The following GLI3 variants were observed in gnomAD, a reference collection of about 807,000 sequenced individuals.
GLI3 encodes transcription activator GLI3.
Under a neutral mutation model 100.8 loss-of-function variants are expected in GLI3, and 20 were observed. That is an observed-to-expected ratio of 0.20 (90% confidence interval 0.14 to 0.29). The LOEUF (loss-of-function observed/expected upper bound fraction) is 0.29, where lower values mean the gene tolerates loss of function less well. Among genes scored for constraint, GLI3 ranks in the 10% least tolerant of loss-of-function variants. GLI3 has a pLI of 1.00. For missense variants in GLI3, 2,040 were observed against 2,128.5 expected (o/e 0.96, Z 0.82); for synonymous variants, 938 against 860.5 (o/e 1.09, Z -1.58).
intron 3 of GLI3, among the ~76,000 whole-genome samples, chr7:42,125,423 A>G (rs1231392568): frequency 6.6e-6 from 1 of 152,222 alleles, no homozygotes; most frequent in Non-Finnish European, 1.5e-5. Context: ...GTTACATCAA[A>G]GCAAACGGGC....
At chr7:42,181,966 G>A (rs1787602147) in intron 2 of GLI3, among the ~76,000 whole-genome samples, 1 of 152,166 alleles carries the variant, frequency 6.6e-6, no homozygotes, top group African/African-American at 2.4e-5. Context: ...TTGTAGATGA[G>A]CTAGCTTTGT....
chr7:42,158,808 A>G (rs569480854), intron 2 of GLI3, among the ~76,000 whole-genome samples: 1 of 152,250 alleles, frequency 6.6e-6, no homozygotes, highest in South Asian at 2.1e-4. Context: ...GACTATTTTC[A>G]TTGTTAAAAT....
At chr7:42,161,269 T>A (rs529352606) in intron 2 of GLI3, among the ~76,000 whole-genome samples, 21 of 152,330 alleles carry the variant, frequency 1.4e-4, no homozygotes, top group Admixed American at 3.9e-4. Flanking sequence ...ATAGGAAATT[T>A]AAATTTCAAG....
At chr7:42,056,127 C>T (rs1784455777) in intron 4 of GLI3, among the ~76,000 whole-genome samples, 1 of 152,166 alleles carries the variant, frequency 6.6e-6, no homozygotes, top group East Asian at 1.9e-4. Flanking sequence ...AACTGTAAGT[C>T]CATTAAACTT....
intron 2 of GLI3, chr7:42,151,208 A>C (rs964963080): frequency 6.6e-6 from 1 of 152,188 alleles, no homozygotes; most frequent in Non-Finnish European, 1.5e-5. Flanking sequence ...GGAAAACTCC[A>C]GCAGACAAAT....
At chr7:42,028,917 G>C (rs1348791214) in intron 7 of GLI3, among the ~76,000 whole-genome samples, 1 of 152,090 alleles carries the variant, frequency 6.6e-6, no homozygotes, top group Non-Finnish European at 1.5e-5. Context: ...CAGGGGTAGG[G>C]GTTCTGAAAG....
At position 42,262,196 on chromosome 7, in the gene GLI3, TTTTCCTTCCTTCTTTC is replaced by T. The variant is rs1267294667; in HGVS notation, c.-43+1782_-43+1797del. Among the ~76,000 whole-genome samples, 35 of 38,256 alleles carry T rather than the reference TTTTCCTTCCTTCTTTC, an allele frequency of 9.1e-4. 1 individual carries two copies. The highest frequency in any genetic ancestry group is 2.2e-3 in the African/African-American group (28 of 12,922). 25.1% of individuals were successfully genotyped at this position (38,256 alleles called of 152,430 possible). A position where few individuals can be genotyped will look rare whatever the true frequency, so the allele number is the denominator to read the frequency against. On this transcript the variant is annotated intron_variant, in intron 1 of 2. Transcript: ENST00000678978. ...CTTTCTTTTTTCTTTCTTTTATTTT[TTTTCCTTCCTTCTTTC>T]CTTCCTTCCTTCTTTCCTTCCTTCC... is the stretch of plus-strand genomic sequence containing the variant.
At chr7:42,245,876 A>G (rs560860281) in intron 1 of GLI3, among the ~76,000 whole-genome samples, 6 of 145,552 alleles carry the variant, frequency 4.1e-5, no homozygotes, top group Admixed American at 1.4e-4. Flanking sequence ...AAAGAAACAG[A>G]GAAAGAAAGA....
At chr7:42,089,333 T>C (rs894323132) in intron 3 of GLI3, among the ~76,000 whole-genome samples, 1 of 152,252 alleles carries the variant, frequency 6.6e-6, no homozygotes, top group Non-Finnish European at 1.5e-5. Context: ...TTCTTTGCTG[T>C]TTCCAACTGT....
At chr7:42,175,447 G>A (rs866498502) in intron 2 of GLI3, among the ~76,000 whole-genome samples, 5 of 152,098 alleles carry the variant, frequency 3.3e-5, no homozygotes, top group African/African-American at 4.8e-5. Flanking sequence ...GCAAAACCCT[G>A]TCTCGACTAA....
chr7:42,204,074 C>T (rs367868709), intron 2 of GLI3, among the ~76,000 whole-genome samples: 3 of 152,174 alleles, frequency 2.0e-5, no homozygotes, highest in South Asian at 2.1e-4. Flanking sequence ...CCACTAGGGC[C>T]GAAGGGTAGT....
chr7:42,218,467 C>T (rs956040697), intron 2 of GLI3, among the ~76,000 whole-genome samples: 9 of 147,324 alleles, frequency 6.1e-5, no homozygotes, highest in Non-Finnish European at 1.0e-4. Context: ...AGGCAAAAAC[C>T]GCAATTACTT....
At chr7:42,150,249 A>C (rs1264441270) in intron 2 of GLI3, 1 of 152,198 alleles carries the variant, frequency 6.6e-6, no homozygotes, top group Non-Finnish European at 1.5e-5. Context: ...ATCTCTATGA[A>C]AGCAATTCAT....
chr7:42,031,258 T>A (rs1015781984), intron 7 of GLI3, among the ~76,000 whole-genome samples: 2 of 152,252 alleles, frequency 1.3e-5, no homozygotes, highest in African/African-American at 4.8e-5. Flanking sequence ...AATAACTATA[T>A]GAAAGATGGG....
chr7:42,190,880 C>T (rs79388696), intron 2 of GLI3, among the ~76,000 whole-genome samples: 2 of 151,604 alleles, frequency 1.3e-5, no homozygotes, highest in East Asian at 1.9e-4. Context: ...AAAAAACATA[C>T]AAAGATCATC....
At chr7:42,099,119 T>TCCG (rs1337042687) in intron 3 of GLI3, among the ~76,000 whole-genome samples, 2 of 152,134 alleles carry the variant, frequency 1.3e-5, no homozygotes, top group East Asian at 3.9e-4. Context: ...GACTTCATGC[T>TCCG]CCGCCCTCTT....
intron 2 of GLI3, among the ~76,000 whole-genome samples, chr7:42,191,806 A>G (rs1352131352): frequency 1.3e-5 from 2 of 152,144 alleles, no homozygotes; most frequent in African/African-American, 4.8e-5. Context: ...GAAAACCAAG[A>G]CTTGGAAGAA....
At chr7:42,025,633 A>C (rs1789090847) in intron 8 of GLI3, among the ~76,000 whole-genome samples, 2 of 152,178 alleles carry the variant, frequency 1.3e-5, no homozygotes, top group Admixed American at 1.3e-4. Flanking sequence ...AGAAGAATGG[A>C]GCTGAGGCCC....
At chr7:42,193,424 T>G (rs1562780748) in intron 2 of GLI3, among the ~76,000 whole-genome samples, 1 of 151,702 alleles carries the variant, frequency 6.6e-6, no homozygotes, top group African/African-American at 2.4e-5. Flanking sequence ...CTGCCTGAGC[T>G]CGGAAGGACA....
Sources: gnomAD v4.1 joint callset for allele counts (sites outside exome capture counted in the v4.1 genomes callset) on GRCh38, gnomAD v4.1.1 for gene constraint, MANE v1.5 for transcripts, NCBI Gene and HGNC (gene_info 2026-07-23, HGNC 2026-07-21) for gene names.